Variants in VAV1 observed in about 807,000 individuals in gnomAD.
The protein encoded by VAV1 is vav guanine nucleotide exchange factor 1.
A neutral mutation model predicts 128.1 loss-of-function variants in VAV1; 33 were observed. The observed-to-expected ratio is 0.26, with a 90% confidence interval of 0.20 to 0.34. The LOEUF (loss-of-function observed/expected upper bound fraction) is 0.34, where lower values mean the gene tolerates loss of function less well. VAV1 is among the 10% of genes least tolerant of loss of function. The pLI is 1.00. For synonymous variants in VAV1, 394 were observed against 409.8 expected (o/e 0.96, Z 0.47); for missense variants, 715 against 1,093.7 (o/e 0.65, Z 4.88).
chr19:6,800,792 T>TTTTGTGTGTGTG (rs1555699757), intron 1 of VAV1, among the ~76,000 whole-genome samples: 54 of 147,714 alleles, frequency 3.7e-4, no homozygotes, highest in African/African-American at 1.2e-3. Flanking sequence ...TGGCAAATTT[T>TTTTGTGTGTGTG]TGTGTGTGTG....
At chr19:6,812,532 C>T (rs755151686) in intron 1 of VAV1, among the ~76,000 whole-genome samples, 1 of 152,018 alleles carries the variant, frequency 6.6e-6, no homozygotes, top group Non-Finnish European at 1.5e-5. Context: ...TGGTGGTGGG[C>T]GCCTGTAATC....
chr19:6,809,484 A>G (rs1182575137), intron 1 of VAV1, among the ~76,000 whole-genome samples: 2 of 152,184 alleles, frequency 1.3e-5, no homozygotes, highest in African/African-American at 4.8e-5. Flanking sequence ...GAGAGACAGT[A>G]AAATAGGTGC....
chr19:6,836,428 C>T lies in VAV1; in HGVS notation c.1778-4C>T, dbSNP rs771634296. On this transcript the variant is annotated splice_polypyrimidine_tract_variant and splice_region_variant and intron_variant, in intron 19 of 26. Coordinates refer to ENST00000602142, the MANE Select transcript of VAV1 (RefSeq NM_005428.4). ...ACCCTGTACTCCTGTACCCTGTCCT[C>T]CAGGTCTGCCCAAGATGGAGGTGTT... is the stretch of plus-strand genomic sequence containing the variant. 9.9e-6 allele frequency: 16 copies of T among 1,613,962 alleles called. No individual in the cohort carries two copies. The highest frequency in any genetic ancestry group is 1.3e-5 in the Non-Finnish European group (15 of 1,179,904).
chr19:6,844,399 TA>T (rs544093655), intron 22 of VAV1, among the ~76,000 whole-genome samples: 26 of 152,132 alleles, frequency 1.7e-4, no homozygotes, highest in Admixed American at 4.6e-4. Flanking sequence ...ATATTTTCAG[TA>T]AAGACAGAGT....
intron 21 of VAV1, among the ~76,000 whole-genome samples, chr19:6,841,618 G>A (rs1176824830): frequency 6.6e-6 from 1 of 151,802 alleles, no homozygotes; most frequent in African/African-American, 2.4e-5. Flanking sequence ...GGGATTACAG[G>A]CATGCGTCAC....
At chr19:6,815,653 A>C (rs1971629202) in intron 1 of VAV1, among the ~76,000 whole-genome samples, 1 of 152,218 alleles carries the variant, frequency 6.6e-6, no homozygotes, top group African/African-American at 2.4e-5. Context: ...TCACACACAC[A>C]GCTATGGCAT....
chr19:6,834,122 A>G (rs753960517), intron 19 of VAV1, among the ~76,000 whole-genome samples, 169 bp downstream of exon 19: 55 of 151,714 alleles, frequency 3.6e-4, no homozygotes, highest in Non-Finnish European at 1.3e-4. Context: ...GGATCGCTTG[A>G]AGTCAGGTGC....
At chr19:6,833,161 T>C (rs774529760) in intron 15 of VAV1, 23 bp from the exon 16 acceptor site, 2 of 1,576,024 alleles carry the variant, frequency 1.3e-6, no homozygotes, top group Non-Finnish European at 1.7e-6. Flanking sequence ...CTTTTTTTTT[T>C]TTTTTTAATT....
chr19:6,822,895 C>A lies in VAV1; in HGVS notation c.654+381C>A. Among the ~76,000 whole-genome samples the A allele has an allele frequency of 6.9e-6, 1 of 144,756 alleles. No individual in the cohort carries two copies. Among genetic ancestry groups the A allele is most frequent in the Non-Finnish European group, 1.5e-5 (1 of 66,248 alleles). The allele number at this position is 144,756 out of a possible 152,430, so 95.0% of individuals were successfully genotyped here. Reference sequence around the variant, plus strand: ...ACATATAATATGTATAAAATATAAACATGATATATGATATTTATAAGATAT... The same window carrying A: ...ACATATAATATGTATAAAATATAAAAATGATATATGATATTTATAAGATAT... On this transcript the variant is annotated intron_variant, in intron 6 of 26. Transcript: ENST00000602142. This position sits in a 1 kb window ranked among gnomAD's most constrained non-coding sequence, Gnocchi z 5.9.
chr19:6,800,104 C>T (rs976771188), intron 1 of VAV1, among the ~76,000 whole-genome samples: 1 of 151,782 alleles, frequency 6.6e-6, no homozygotes, highest in Non-Finnish European at 1.5e-5. Flanking sequence ...TTGAGACCAA[C>T]CTGACCGACA....
intron 21 of VAV1, among the ~76,000 whole-genome samples, chr19:6,841,964 G>A (rs185106128): frequency 2.6e-5 from 4 of 151,222 alleles, no homozygotes; most frequent in Non-Finnish European, 2.9e-5. Flanking sequence ...GGTGGTTCAC[G>A]CCTGTAATCC....
intron 1 of VAV1, among the ~76,000 whole-genome samples, chr19:6,811,767 G>C (rs1373343808): frequency 6.6e-6 from 1 of 152,056 alleles, no homozygotes; most frequent in African/African-American, 2.4e-5. Context: ...TGGCCCAAAG[G>C]GTACTTCATT....
chr19:6,846,106 G>A (rs1972515441), intron 22 of VAV1, among the ~76,000 whole-genome samples: 1 of 148,314 alleles, frequency 6.7e-6, no homozygotes, highest in African/African-American at 2.5e-5. Flanking sequence ...CATATTGTAC[G>A]TTATGTATTT....
At chr19:6,842,246 A>G (rs1972396367) in intron 21 of VAV1, among the ~76,000 whole-genome samples, 1 of 151,982 alleles carries the variant, frequency 6.6e-6, no homozygotes, top group Non-Finnish European at 1.5e-5. Flanking sequence ...GAACAAATAA[A>G]TAAATAATAA....
chr19:6,813,869 C>T (rs1054891071), intron 1 of VAV1, among the ~76,000 whole-genome samples: 4 of 151,922 alleles, frequency 2.6e-5, no homozygotes, highest in Non-Finnish European at 5.9e-5. Context: ...GCCTGTGTGA[C>T]ATAGTGACAT....
intron 21 of VAV1, among the ~76,000 whole-genome samples, chr19:6,840,978 A>G (rs750111597): frequency 2.4e-4 from 36 of 151,614 alleles, no homozygotes; most frequent in Non-Finnish European, 4.3e-4. Context: ...GGGTTTCACC[A>G]TGTTGGCCAG....
At chr19:6,838,104 T>TATCTATCTATC (rs1972267274) in intron 21 of VAV1, among the ~76,000 whole-genome samples, 1 of 150,244 alleles carries the variant, frequency 6.7e-6, no homozygotes, top group Admixed American at 6.6e-5. Context: ...TCTGTCTATC[T>TATCTATCTATC]ATCTATCTAT....
intron 6 of VAV1, 113 bp from the exon 7 acceptor site, chr19:6,824,940 G>A: frequency 8.9e-7 from 1 of 1,118,776 alleles, no homozygotes; most frequent in Non-Finnish European, 1.4e-6. Flanking sequence ...GTTTTTGTGT[G>A]GACGCGCTGC....
intron 1 of VAV1, among the ~76,000 whole-genome samples, chr19:6,810,015 A>G (rs1322507780): frequency 6.6e-6 from 1 of 152,082 alleles, no homozygotes; most frequent in Non-Finnish European, 1.5e-5. Flanking sequence ...TACAAAAAAT[A>G]AAAATAAAAA....
Sources: allele counts gnomAD v4.1 joint callset (sites outside exome capture counted in the v4.1 genomes callset), GRCh38; gene constraint gnomAD v4.1.1; non-coding constraint Gnocchi (gnomAD v3.1); transcripts MANE v1.5; gene names NCBI Gene and HGNC (gene_info 2026-07-23, HGNC 2026-07-21).